Variants in MLXIP observed in about 807,000 individuals in gnomAD.
MLXIP encodes MLX interacting protein.
In MLXIP, 30 loss-of-function variants were observed where a neutral mutation model predicts 87.2. The ratio of observed to expected loss-of-function variants is 0.34; its 90% CI spans 0.26 to 0.47. MLXIP has a LOEUF of 0.47. Among genes scored for constraint, MLXIP ranks in the 20% least tolerant of loss-of-function variants. The pLI is 1.00. For synonymous variants in MLXIP, 530 were observed against 514.0 expected (o/e 1.03, Z -0.42); for missense variants, 1,002 against 1,240.1 (o/e 0.81, Z 2.88).
At chr12:122,132,407 G>T in intron 8 of MLXIP, 24 bp downstream of exon 8, 2 of 1,574,874 alleles carry the variant, frequency 1.3e-6, no homozygotes, top group African/African-American at 2.7e-5. Flanking sequence ...GGGGATGGGT[G>T]GGGGAAGGGG....
chr12:122,137,154 T>TA lies in MLXIP; in HGVS notation c.2033-309dup. On this transcript the variant is annotated intron_variant, in intron 11 of 16. Coordinates refer to ENST00000319080, the MANE Select transcript of MLXIP (RefSeq NM_014938.6). The surrounding 1 kb of genome is among the most constrained non-coding windows in gnomAD (Gnocchi z 4.1). ...GGCTCTATAAAAAATGTTTTTTAAT[T>TA]AAAAAATATAATAATAATAAAGAGC... 1 of 166,260 alleles carries TA rather than the reference T, an allele frequency of 6.0e-6. No homozygotes were observed. The highest frequency in any genetic ancestry group is 2.4e-5 in the African/African-American group (1 of 42,056). 10.3% of individuals were successfully genotyped at this position (166,260 alleles called of 1,614,324 possible).
At chr12:122,124,464 T>C (rs1276415352) in intron 1 of MLXIP, among the ~76,000 whole-genome samples, 1 of 128,888 alleles carries the variant, frequency 7.8e-6, no homozygotes, top group Non-Finnish European at 1.6e-5. Context: ...TCCTCGGCTC[T>C]TCACAGTGCA....
In MLXIP at chr12:122,127,326, C is replaced by T. The variant is rs763383928; in HGVS notation, c.484C>T (p.Leu162Phe). The T allele has an allele frequency of 6.2e-7, 1 of 1,613,390 alleles. No homozygotes were observed. The change falls in exon 2 of 17, where the codon CTC becomes TTC. Residue 162 changes from leucine to phenylalanine, a missense_variant. By Grantham distance (22) the Leu-to-Phe change is conservative. Coordinates refer to ENST00000319080, the MANE Select transcript of MLXIP (RefSeq NM_014938.6). The part of the protein sequence containing the change: ...LKLQWRDKIR[L>F]NNAIWRAWYM... ...GCTACAGTGGAGAGACAAGATCCGG[C>T]TCAATAATGCCATCTGGCGGGCCTG...
intron 1 of MLXIP, among the ~76,000 whole-genome samples, chr12:122,121,009 G>GTTTTTTTTTTTTTTTTT (rs776332981): frequency 4.8e-4 from 49 of 102,192 alleles, no homozygotes; most frequent in African/African-American, 1.5e-3. Flanking sequence ...CTGCATGCTT[G>GTTTTTTTTTTTTTTTTT]GTTTTTTTTT....
At chr12:122,098,837 G>C (rs1348120458) in intron 1 of MLXIP, among the ~76,000 whole-genome samples, 1 of 152,180 alleles carries the variant, frequency 6.6e-6, no homozygotes, top group African/African-American at 2.4e-5. Flanking sequence ...TGCTGATCCT[G>C]GGGGTGGGCT....
At position 122,147,014 on chromosome 12, in the gene MLXIP, T is replaced by C. The variant is rs1953314746; in HGVS notation, c.*5202T>C. ...GCCCGGGAAAGGAAAACGGATTCAC[T>C]TGCTGATTTTGTTCACGGCGGAAGC... On this transcript the variant is annotated 3_prime_UTR_variant, in exon 17 of 17. Coordinates refer to ENST00000319080, the MANE Select transcript of MLXIP (RefSeq NM_014938.6). The C allele has an allele frequency of 6.6e-6, 1 of 152,246 alleles. No homozygotes were observed. The allele number at this position is 152,246 out of a possible 1,614,324, so 9.4% of individuals were successfully genotyped here.
intron 1 of MLXIP, among the ~76,000 whole-genome samples, chr12:122,108,367 C>CAAAAA (rs61424369): frequency 9.9e-5 from 8 of 80,544 alleles, no homozygotes; most frequent in African/African-American, 1.5e-4. Context: ...GACTCCATCT[C>CAAAAA]AAAAAAAAAA....
intron 1 of MLXIP, among the ~76,000 whole-genome samples, chr12:122,094,995 C>T (rs1345664201): frequency 4.8e-5 from 4 of 83,376 alleles, no homozygotes; most frequent in South Asian, 4.4e-4. Context: ...TATGTGTGTG[C>T]GGTGTCTGTG....
At chr12:122,099,440 C>CA (rs1952403817) in intron 1 of MLXIP, among the ~76,000 whole-genome samples, 1 of 152,146 alleles carries the variant, frequency 6.6e-6, no homozygotes, top group African/African-American at 2.4e-5. Context: ...CCCTTCCAGG[C>CA]ATCGTGCTGC....
Position 122,137,547 on chromosome 12 carries a change from ACTG to A in MLXIP, c.2114_2116del (p.Cys705del), listed in dbSNP as rs1365865415. 6.2e-7 allele frequency: 1 copy of A among 1,613,960 alleles called. No individual in the cohort carries two copies. Among genetic ancestry groups the A allele is most frequent in the South Asian group, 1.1e-5 (1 of 91,084 alleles). On this transcript the variant is annotated inframe_deletion, in exon 12 of 17. Coordinates refer to ENST00000319080, the MANE Select transcript of MLXIP (RefSeq NM_014938.6). The surrounding 1 kb of genome is among the most constrained non-coding windows in gnomAD (Gnocchi z 4.1). ...CCCAGTCCTCAATCTCCCCAGAACAACTGCTCAGGGAAATCCGACCCCAAAAAT... is the reference window on the plus strand; with the variant it reads ...CCCAGTCCTCAATCTCCCCAGAACAACTCAGGGAAATCCGACCCCAAAAAT...
intron 1 of MLXIP, among the ~76,000 whole-genome samples, chr12:122,090,577 A>G (rs145736641): frequency 4.5e-4 from 69 of 152,216 alleles, no homozygotes; most frequent in African/African-American, 1.3e-3. Context: ...TTATAATTGT[A>G]AGAATTCAGG....
chr12:122,142,087 A>G lies in MLXIP; in HGVS notation c.*275A>G. ...CTCTGCCCTCGGGGCAGCCCACACAAAAGGGAAGTGCTGGCCGTGCTGGTC... is the reference window on the plus strand; with the variant it reads ...CTCTGCCCTCGGGGCAGCCCACACAGAAGGGAAGTGCTGGCCGTGCTGGTC... On this transcript the variant is annotated 3_prime_UTR_variant, in exon 17 of 17. Coordinates refer to ENST00000319080, the MANE Select transcript of MLXIP (RefSeq NM_014938.6). The G allele has an allele frequency of 1.4e-6, 1 of 693,664 alleles. No individual in the cohort carries two copies. The allele number at this position is 693,664 out of a possible 1,614,324, so 43.0% of individuals were successfully genotyped here. A position where few individuals can be genotyped will look rare whatever the true frequency, so the allele number is the denominator to read the frequency against.
chr12:122,116,960 G>T (rs1278243294), intron 1 of MLXIP, among the ~76,000 whole-genome samples: 1 of 152,228 alleles, frequency 6.6e-6, no homozygotes, highest in Non-Finnish European at 1.5e-5. Flanking sequence ...TCCCAGGCAG[G>T]GTGAAGTCAC....
intron 1 of MLXIP, among the ~76,000 whole-genome samples, chr12:122,092,446 C>T (rs1272645566): frequency 1.3e-5 from 2 of 152,018 alleles, no homozygotes; most frequent in African/African-American, 4.8e-5. Flanking sequence ...CCTTCTTGGC[C>T]CTGCTCTGTT....
chr12:122,124,203 T>TCCCCCTCCTCAGCC lies in MLXIP; in HGVS notation c.414-3053_414-3052insCCCCCTCCTCAGCC, dbSNP rs1952834503. Reference sequence around the variant, plus strand: ...GCCCCAGCCGTCCCCCGCCCTCAGCTGTCCCCCTCCTCAGCCGTCCCCCCA... The same window carrying TCCCCCTCCTCAGCC: ...GCCCCAGCCGTCCCCCGCCCTCAGCTCCCCCTCCTCAGCCGTCCCCCTCCTCAGCCGTCCCCCCA... On this transcript the variant is annotated intron_variant, in intron 1 of 16. Coordinates refer to ENST00000319080, the MANE Select transcript of MLXIP (RefSeq NM_014938.6). Among the ~76,000 whole-genome samples, 5 of 22,910 alleles carry TCCCCCTCCTCAGCC rather than the reference T, an allele frequency of 2.2e-4. 1 individual carries two copies. The highest frequency in any genetic ancestry group is 1.1e-3 in the African/African-American group (5 of 4,540). The allele number at this position is 22,910 out of a possible 152,430, so 15.0% of individuals were successfully genotyped here.
At chr12:122,121,009 GGT>G (rs1952771403) in intron 1 of MLXIP, among the ~76,000 whole-genome samples, 1 of 102,170 alleles carries the variant, frequency 9.8e-6, no homozygotes, top group Non-Finnish European at 1.9e-5. Context: ...CTGCATGCTT[GGT>G]TTTTTTTTTT....
chr12:122,135,457 T>G lies in MLXIP; in HGVS notation c.1855-32T>G. The stretch of plus-strand genomic sequence containing the variant: ...GTGCCGCCCTGCTGTATATCAGCAG[T>G]CAGGGGTGACCTGTCTCCCATGTCA... On this transcript the variant is annotated intron_variant, in intron 10 of 16. Coordinates refer to ENST00000319080, the MANE Select transcript of MLXIP (RefSeq NM_014938.6). The surrounding 1 kb of genome is among the most constrained non-coding windows in gnomAD (Gnocchi z 5.3). 1.2e-6 allele frequency: 2 copies of G among 1,609,120 alleles called. No individual in the cohort carries two copies. Among genetic ancestry groups the G allele is most frequent in the Non-Finnish European group, 1.7e-6 (2 of 1,178,028 alleles).
chr12:122,133,209 C>T lies in MLXIP; in HGVS notation c.1093-139C>T, dbSNP rs1332927960. On this transcript the variant is annotated intron_variant, in intron 8 of 16. Transcript: ENST00000319080. This position sits in a 1 kb window ranked among gnomAD's most constrained non-coding sequence, Gnocchi z 4.9. Reference sequence around the variant, plus strand: ...GAAACACAAATCCCTATCAGATCAGCAGCCATGGACGTGGAGACGTGGCCT... The same window carrying T: ...GAAACACAAATCCCTATCAGATCAGTAGCCATGGACGTGGAGACGTGGCCT... The T allele has an allele frequency of 5.5e-6, 5 of 904,312 alleles. No individual in the cohort carries two copies. The highest frequency in any genetic ancestry group is 2.7e-5 in the Admixed American group (1 of 36,518). 56.0% of individuals were successfully genotyped at this position (904,312 alleles called of 1,614,324 possible).
intron 1 of MLXIP, among the ~76,000 whole-genome samples, chr12:122,112,518 G>A (rs1952619807): frequency 6.6e-6 from 1 of 152,004 alleles, no homozygotes; most frequent in Non-Finnish European, 1.5e-5. Flanking sequence ...GTGGTGGCGG[G>A]CGCCTGTAGT....
Sources: allele counts gnomAD v4.1 joint callset (sites outside exome capture counted in the v4.1 genomes callset), GRCh38; gene constraint gnomAD v4.1.1; non-coding constraint Gnocchi (gnomAD v3.1); transcripts MANE v1.5; gene names NCBI Gene and HGNC (gene_info 2026-07-23, HGNC 2026-07-21).